NEGR1: variants seen among roughly 807,000 people sequenced by gnomAD.
NEGR1 encodes neuronal growth regulator 1.
A neutral mutation model predicts 40.9 loss-of-function variants in NEGR1; 10 were observed. That is an observed-to-expected ratio of 0.24 (90% CI 0.15 to 0.42). The LOEUF is 0.42. Among genes scored for constraint, NEGR1 ranks in the 10% least tolerant of loss-of-function variants. NEGR1 has a pLI of 1.00. For synonymous variants in NEGR1, 185 were observed against 166.8 expected, an observed-to-expected ratio of 1.11 and a Z score of -0.84; for missense variants, 352 against 438.9, an observed-to-expected ratio of 0.80 and a Z score of 1.77.
chr1:72,252,589 G>T (rs1286772670), intron 1 of NEGR1, among the ~76,000 whole-genome samples: 2 of 152,076 alleles, frequency 1.3e-5, no homozygotes, highest in African/African-American at 4.8e-5. Context: ...TTACTTGAGT[G>T]GACTCTATAG....
intron 6 of NEGR1, among the ~76,000 whole-genome samples, chr1:71,507,998 T>C (rs916816926): frequency 6.6e-6 from 1 of 152,200 alleles, no homozygotes; most frequent in African/African-American, 2.4e-5. Flanking sequence ...CAAGTTATTA[T>C]ATGGGCTCCC....
chr1:72,033,986 G>C (rs1459792842), intron 1 of NEGR1, among the ~76,000 whole-genome samples: 2 of 152,032 alleles, frequency 1.3e-5, no homozygotes, highest in Admixed American at 6.6e-5. Flanking sequence ...CTTTATATAA[G>C]AAAACCAACA....
At chr1:72,144,532 C>G (rs998711238) in intron 1 of NEGR1, among the ~76,000 whole-genome samples, 1 of 140,702 alleles carries the variant, frequency 7.1e-6, no homozygotes, top group African/African-American at 2.5e-5. Context: ...ATGGAGCATA[C>G]ATTCATGATT....
At chr1:71,958,857 A>G (rs1646139427) in intron 1 of NEGR1, among the ~76,000 whole-genome samples, 1 of 150,986 alleles carries the variant, frequency 6.6e-6, no homozygotes, top group Admixed American at 6.6e-5. Flanking sequence ...TGGGAGGCTG[A>G]GGCAGGAGAA....
At chr1:71,735,001 C>T (rs550219874) in intron 3 of NEGR1, among the ~76,000 whole-genome samples, 11 of 152,174 alleles carry the variant, frequency 7.2e-5, no homozygotes, top group African/African-American at 2.4e-4. Flanking sequence ...ACTTTTTACC[C>T]GGAAATCTCT....
chr1:71,490,150 A>G (rs1312873245), intron 6 of NEGR1, among the ~76,000 whole-genome samples: 2 of 151,988 alleles, frequency 1.3e-5, no homozygotes, highest in Admixed American at 6.6e-5. Context: ...TCTGAAATAC[A>G]GAAGTATTAT....
At chr1:71,687,075 A>G (rs1226119205) in intron 4 of NEGR1, among the ~76,000 whole-genome samples, 4 of 152,210 alleles carry the variant, frequency 2.6e-5, no homozygotes, top group Non-Finnish European at 5.9e-5. Flanking sequence ...ATTTGTTTAG[A>G]CTAGGTCAAA....
intron 4 of NEGR1, among the ~76,000 whole-genome samples, chr1:71,634,224 T>A (rs1268460450): frequency 1.3e-5 from 2 of 151,976 alleles, no homozygotes; most frequent in African/African-American, 2.4e-5. Flanking sequence ...ATAAATAACA[T>A]AGAAACAGAG....
At chr1:71,596,572 C>G in intron 5 of NEGR1, among the ~76,000 whole-genome samples, 1 of 152,300 alleles carries the variant, frequency 6.6e-6, no homozygotes, top group South Asian at 2.1e-4. Context: ...CCAGAAAAGC[C>G]TGCAGCAACA....
intron 1 of NEGR1, among the ~76,000 whole-genome samples, chr1:72,241,356 C>T (rs989514076): frequency 7.6e-5 from 9 of 117,792 alleles, no homozygotes; most frequent in African/African-American, 2.5e-4. Context: ...CTGATATTCC[C>T]TGTCCACTAT....
chr1:72,086,236 A>C (rs2100536015), intron 1 of NEGR1, among the ~76,000 whole-genome samples: 1 of 152,304 alleles, frequency 6.6e-6, no homozygotes, highest in South Asian at 2.1e-4. Flanking sequence ...CAAAACTATC[A>C]ATTAATATGC....
intron 2 of NEGR1, among the ~76,000 whole-genome samples, chr1:71,895,865 C>T (rs970346987): frequency 6.6e-6 from 1 of 151,922 alleles, no homozygotes; most frequent in African/African-American, 2.4e-5. Context: ...AGAATTTGGC[C>T]ACATTTTCTT....
chr1:72,244,969 A>C (rs1654858998), intron 1 of NEGR1, among the ~76,000 whole-genome samples: 1 of 152,000 alleles, frequency 6.6e-6, no homozygotes, highest in African/African-American at 2.4e-5. Context: ...TCACCGACGA[A>C]AAGCACAAAA....
At chr1:71,546,612 G>A (rs1031753729) in intron 6 of NEGR1, among the ~76,000 whole-genome samples, 1 of 151,540 alleles carries the variant, frequency 6.6e-6, no homozygotes, top group Non-Finnish European at 1.5e-5. Flanking sequence ...GAAGTTGGCA[G>A]TACTATTACT....
intron 1 of NEGR1, among the ~76,000 whole-genome samples, chr1:72,264,474 T>G (rs1461202623): frequency 6.6e-6 from 1 of 150,956 alleles, no homozygotes; most frequent in Non-Finnish European, 1.5e-5. Context: ...ATGGGATTAT[T>G]TAGTCGCATT....
chr1:71,626,948 A>G (rs975301561), intron 4 of NEGR1, among the ~76,000 whole-genome samples: 12 of 152,180 alleles, frequency 7.9e-5, no homozygotes, highest in African/African-American at 2.9e-4. Context: ...ACAATGAGAT[A>G]CCATCTCACA....
intron 1 of NEGR1, among the ~76,000 whole-genome samples, chr1:71,999,707 C>T (rs1217034498): frequency 8.3e-6 from 1 of 119,764 alleles, no homozygotes; most frequent in African/African-American, 3.2e-5. Context: ...GGTCTCGGAG[C>T]CTTGACTTTA....
chr1:71,682,050 C>T (rs12139368), intron 4 of NEGR1, among the ~76,000 whole-genome samples: 131,563 of 151,946 alleles, frequency 0.87, 57,473 homozygotes, highest in Non-Finnish European at 0.93. Flanking sequence ...TGGTCTCAGA[C>T]TCCTGGCCTC....
chr1:71,997,145 C>T (rs939384524), intron 1 of NEGR1, among the ~76,000 whole-genome samples: 6 of 151,992 alleles, frequency 3.9e-5, no homozygotes, highest in Non-Finnish European at 8.8e-5. Flanking sequence ...TGTTGAATAA[C>T]CTGCCATTAT....
Sources: allele counts gnomAD v4.1 joint callset (sites outside exome capture counted in the v4.1 genomes callset), GRCh38; gene constraint gnomAD v4.1.1; transcripts MANE v1.5; gene names NCBI Gene and HGNC (gene_info 2026-07-23, HGNC 2026-07-21).